Variants in MMP26 observed in about 807,000 individuals in gnomAD.
The protein encoded by MMP26 is matrix metallopeptidase 26.
A neutral mutation model predicts 31.0 loss-of-function variants in MMP26; 33 were observed. The ratio of observed to expected loss-of-function variants is 1.06; its 90% confidence interval spans 0.81 to 1.42. MMP26 has a LOEUF of 1.42. Among genes scored for constraint, MMP26 ranks in the 40% most tolerant of loss-of-function variants. MMP26 has a pLI of 0.00. For missense variants in MMP26, 347 were observed against 316.1 expected, an observed-to-expected ratio of 1.10 and a Z score of -0.74; for synonymous variants, 122 against 114.9, an observed-to-expected ratio of 1.06 and a Z score of -0.40.
intron 2 of MMP26, chr11:4,937,417 T>C (rs11034732): frequency 0.052 from 7,937 of 152,420 alleles, 339 homozygotes; most frequent in East Asian, 0.19. Context: ...CTTCACACAG[T>C]ACACGATGGG....
rs547488012 is a variant in MMP26, at chr11:4,970,972, G to A, written c.-144-17096G>A. 9.2e-5 allele frequency among the ~76,000 whole-genome samples: 14 copies of A among 152,194 alleles called. No homozygotes were observed. The South Asian group carries it at 2.1e-3, about 23-fold the overall frequency. On this transcript the variant is annotated intron_variant, in intron 2 of 7. Coordinates refer to ENST00000380390, the MANE Select transcript of MMP26 (RefSeq NM_021801.5). ...AATAGACCTGGTGGAGCACACAGTC[G>A]GCAAATATTCAAGAAGGGAATTTCA...
chr11:4,721,205 G>T (rs1441775992), intron 1 of MMP26, among the ~76,000 whole-genome samples: 1 of 152,104 alleles, frequency 6.6e-6, no homozygotes, highest in South Asian at 2.1e-4. Flanking sequence ...ATGGAGTAAG[G>T]TGCTTGTAAC....
intron 2 of MMP26, among the ~76,000 whole-genome samples, chr11:4,975,687 A>C (rs1846727768): frequency 6.6e-6 from 1 of 151,998 alleles, no homozygotes; most frequent in Non-Finnish European, 1.5e-5. Context: ...TTCAGGCTTC[A>C]CTGCCTCAAC....
At chr11:4,963,091 T>C (rs1846543519) in intron 2 of MMP26, among the ~76,000 whole-genome samples, 1 of 151,964 alleles carries the variant, frequency 6.6e-6, no homozygotes, top group Admixed American at 6.6e-5. Context: ...CTACCAATAA[T>C]AGACAAACAG....
chr11:4,969,207 C>T (rs935948977), intron 2 of MMP26, among the ~76,000 whole-genome samples: 8 of 151,912 alleles, frequency 5.3e-5, no homozygotes, highest in African/African-American at 1.9e-4. Context: ...CATATACTTA[C>T]TCATAGAACA....
intron 2 of MMP26, among the ~76,000 whole-genome samples, chr11:4,938,904 C>A (rs1000301960): frequency 6.6e-6 from 1 of 152,108 alleles, no homozygotes; most frequent in Non-Finnish European, 1.5e-5. Flanking sequence ...AGAAGGTAGT[C>A]TAAATCACGC....
chr11:4,990,627 C>T lies in MMP26; in HGVS notation c.350C>T (p.Pro117Leu), dbSNP rs867384591. Residue 117 changes from proline to leucine, a missense_variant, in exon 5 of 8, where the codon CCA (proline) becomes CTA (leucine). By Grantham distance (98) the Pro-to-Leu change is moderately conservative. Transcript: ENST00000380390. ...RIINYPHDMK[P>L]SAVKDSIYNA... ...ATCAATTACCCACATGATATGAAGCCATCCGCAGTGAAAGACAGTATATAT... is the reference window on the plus strand; with the variant it reads ...ATCAATTACCCACATGATATGAAGCTATCCGCAGTGAAAGACAGTATATAT... 6.2e-7 allele frequency: 1 copy of T among 1,613,294 alleles called. No individual in the cohort carries two copies. Among genetic ancestry groups the T allele is most frequent in the African/African-American group, 1.3e-5 (1 of 74,898 alleles).
At chr11:4,753,099 C>T (rs926328573) in intron 1 of MMP26, among the ~76,000 whole-genome samples, 3 of 152,054 alleles carry the variant, frequency 2.0e-5, no homozygotes, top group Non-Finnish European at 4.4e-5. Context: ...TAGAGTACAG[C>T]TCAAGGAAGT....
At chr11:4,763,906 T>G (rs1848597528) in intron 1 of MMP26, among the ~76,000 whole-genome samples, 1 of 152,226 alleles carries the variant, frequency 6.6e-6, no homozygotes, top group Admixed American at 6.5e-5. Context: ...GTATTAAATT[T>G]GATTCCTAAA....
At chr11:4,968,991 T>C (rs1846631535) in intron 2 of MMP26, among the ~76,000 whole-genome samples, 1 of 152,032 alleles carries the variant, frequency 6.6e-6, no homozygotes, top group South Asian at 2.1e-4. Flanking sequence ...CACACTGGAC[T>C]TTCCTTAAAT....
chr11:4,805,641 T>C (rs1308030899), intron 2 of MMP26, among the ~76,000 whole-genome samples: 1 of 152,128 alleles, frequency 6.6e-6, no homozygotes, highest in Non-Finnish European at 1.5e-5. Context: ...AATAAAATAT[T>C]CCTGAGGAAA....
At chr11:4,773,473 A>G (rs1200867968) in intron 2 of MMP26, among the ~76,000 whole-genome samples, 3 of 152,162 alleles carry the variant, frequency 2.0e-5, no homozygotes, top group South Asian at 4.1e-4. Context: ...AACACTTCAT[A>G]AGCTTGGAAG....
At chr11:4,895,287 T>C (rs1850683714) in intron 2 of MMP26, among the ~76,000 whole-genome samples, 1 of 152,176 alleles carries the variant, frequency 6.6e-6, no homozygotes, top group Non-Finnish European at 1.5e-5. Context: ...AATTGTTCTC[T>C]GGTCCCTGTT....
chr11:4,936,673 G>A (rs1846117383), intron 2 of MMP26, among the ~76,000 whole-genome samples: 1 of 152,036 alleles, frequency 6.6e-6, no homozygotes, highest in East Asian at 1.9e-4. Context: ...TATAAATGCA[G>A]AAAAGGTTTA....
chr11:4,759,111 CAAAAAAAA>C (rs989730402), intron 1 of MMP26, among the ~76,000 whole-genome samples: 85 of 43,182 alleles, frequency 2.0e-3, no homozygotes, highest in African/African-American at 5.3e-3. Flanking sequence ...CATTCCATCT[CAAAAAAAA>C]AAAAAAAAAA....
chr11:4,880,260 G>A (rs971438415), intron 2 of MMP26, among the ~76,000 whole-genome samples: 1 of 152,114 alleles, frequency 6.6e-6, no homozygotes, highest in African/African-American at 2.4e-5. Flanking sequence ...AAGAGAAGTT[G>A]GTGGTGTTTC....
intron 2 of MMP26, among the ~76,000 whole-genome samples, chr11:4,984,171 G>A (rs1846853714): frequency 6.6e-6 from 1 of 152,136 alleles, no homozygotes. Flanking sequence ...AGACGGGGCA[G>A]TCTCATCAAA....
intron 2 of MMP26, among the ~76,000 whole-genome samples, chr11:4,821,100 T>A (rs1849490367): frequency 6.6e-6 from 1 of 152,160 alleles, no homozygotes; most frequent in Non-Finnish European, 1.5e-5. Flanking sequence ...GTTTAGGAAT[T>A]TTACTGGGGA....
At chr11:4,963,539 T>A (rs964823691) in intron 2 of MMP26, among the ~76,000 whole-genome samples, 7 of 152,184 alleles carry the variant, frequency 4.6e-5, no homozygotes, top group African/African-American at 1.7e-4. Context: ...AACGGATATA[T>A]AGACCGATGG....
Sources: allele counts gnomAD v4.1 joint callset (sites outside exome capture counted in the v4.1 genomes callset), GRCh38; gene constraint gnomAD v4.1.1; transcripts MANE v1.5; gene names NCBI Gene and HGNC (gene_info 2026-07-23, HGNC 2026-07-21).